The following ARHGEF10L variants were observed in gnomAD, a reference collection of about 807,000 sequenced individuals.
The protein encoded by ARHGEF10L is Rho guanine nucleotide exchange factor 10 like.
ARHGEF10L carries 69 observed loss-of-function variants against 141.2 expected under a neutral mutation model. That is an observed-to-expected ratio of 0.49 (90% CI 0.40 to 0.60). The LOEUF (loss-of-function observed/expected upper bound fraction) is 0.60. Ranked by LOEUF, ARHGEF10L falls within the 20% of genes least tolerant of loss-of-function variation. The pLI, the probability that ARHGEF10L is intolerant of heterozygous loss-of-function variation, is 0.00. For missense variants in ARHGEF10L, 1,482 were observed against 1,734.3 expected, an observed-to-expected ratio of 0.85 and a Z score of 2.58; for synonymous variants, 711 against 718.5, an observed-to-expected ratio of 0.99 and a Z score of 0.17.
intron 1 of ARHGEF10L, among the ~76,000 whole-genome samples, chr1:17,556,590 G>A (rs1406264819): frequency 1.3e-5 from 2 of 152,174 alleles, no homozygotes; most frequent in African/African-American, 4.8e-5. Context: ...CTCAGAAGGC[G>A]CAGTGTGTGC....
At chr1:17,683,063 T>C (rs2102440045) in intron 26 of ARHGEF10L, among the ~76,000 whole-genome samples, 2 of 152,136 alleles carry the variant, frequency 1.3e-5, no homozygotes, top group South Asian at 2.1e-4. Flanking sequence ...CAGTGAGCAG[T>C]GAGGGCTTCC....
chr1:17,642,326 A>G (rs2061370825), intron 21 of ARHGEF10L, among the ~76,000 whole-genome samples: 1 of 152,220 alleles, frequency 6.6e-6, no homozygotes, highest in Admixed American at 6.5e-5. Flanking sequence ...GCCCTGAGGT[A>G]GGGACAGAAG....
intron 9 of ARHGEF10L, among the ~76,000 whole-genome samples, chr1:17,617,581 G>T (rs1035382126): frequency 2.6e-5 from 4 of 152,242 alleles, no homozygotes; most frequent in Non-Finnish European, 5.9e-5. Context: ...TGGGATGCCA[G>T]TTCTCTTTGG....
intron 28 of ARHGEF10L, 94 bp from the exon 29 acceptor site, chr1:17,696,754 C>A (rs2065533614): frequency 2.0e-4 from 228 of 1,135,696 alleles, no homozygotes; most frequent in Non-Finnish European, 2.4e-4. Flanking sequence ...CCCCCAAATA[C>A]CCACCCAGAA....
Position 17,638,692 on chromosome 1 carries a change from G to C in ARHGEF10L, c.2171+3G>C. The C allele has an allele frequency of 6.2e-7, 1 of 1,613,880 alleles. No individual in the cohort carries two copies. Among genetic ancestry groups the C allele is most frequent in the East Asian group, 2.2e-5 (1 of 44,870 alleles). On this transcript the variant is annotated splice_donor_region_variant and intron_variant, in intron 20 of 28. Transcript: ENST00000361221. ...CTGCTTCCTGGGAAACCCGACAAGT[G>C]AGAGGAGGGGGTCTTGGAGGGAGGG...
At position 17,687,833 on chromosome 1, in the gene ARHGEF10L, C is replaced by T. The variant is rs1003339036; in HGVS notation, c.3184+86C>T. The T allele has an allele frequency of 5.8e-6, 8 of 1,384,956 alleles. No homozygotes were observed. The African/African-American group carries it at 1.0e-4, about 18-fold the overall frequency. 85.8% of individuals were successfully genotyped at this position (1,384,956 alleles called of 1,614,324 possible). A position where few individuals can be genotyped will look rare whatever the true frequency, so the allele number is the denominator to read the frequency against. On this transcript the variant is annotated intron_variant, in intron 27 of 28. Coordinates refer to ENST00000361221, the MANE Select transcript of ARHGEF10L (RefSeq NM_018125.4). ...GTGGTGTGACCTGGGCAGCCCATCCCATTTTCCCTCATCAGCCCTGAAAAC... is the reference window on the plus strand; with the variant it reads ...GTGGTGTGACCTGGGCAGCCCATCCTATTTTCCCTCATCAGCCCTGAAAAC...
At chr1:17,628,992 G>A (rs188263689) in intron 15 of ARHGEF10L, among the ~76,000 whole-genome samples, 17 of 152,336 alleles carry the variant, frequency 1.1e-4, no homozygotes, top group African/African-American at 3.6e-4. Flanking sequence ...TGCAGGTTGT[G>A]TTGTGGCCCA....
chr1:17,573,920 C>T lies in ARHGEF10L; in HGVS notation c.-43-6633C>T, dbSNP rs1461813944. ...CCATTGACCAAACTTGGCCCCTGCC[C>T]CAGTGAGGCAGGCCCCCTTCTCAGA... On this transcript the variant is annotated intron_variant, in intron 1 of 28. Coordinates refer to ENST00000361221, the MANE Select transcript of ARHGEF10L (RefSeq NM_018125.4). This position sits in a 1 kb window ranked among gnomAD's most constrained non-coding sequence, Gnocchi z 4.8. Among the ~76,000 whole-genome samples the T allele has an allele frequency of 6.6e-6, 1 of 152,172 alleles. No individual in the cohort carries two copies. The highest frequency in any genetic ancestry group is 1.5e-5 in the Non-Finnish European group (1 of 68,008).
In ARHGEF10L at chr1:17,558,644, C is replaced by A. The variant is rs925489693; in HGVS notation, c.-44+18694C>A. Among the ~76,000 whole-genome samples the A allele has an allele frequency of 1.3e-5, 2 of 152,210 alleles. No homozygotes were observed. The highest frequency in any genetic ancestry group is 1.5e-5 in the Non-Finnish European group (1 of 68,042). ...GGAAGGCAGGTCATCGTGGCTGGGG[C>A]AGGTGGGGACCTTTTCCTCTTTTGA... On this transcript the variant is annotated intron_variant, in intron 1 of 28. Coordinates refer to ENST00000361221, the MANE Select transcript of ARHGEF10L (RefSeq NM_018125.4). This position sits in a 1 kb window ranked among gnomAD's most constrained non-coding sequence, Gnocchi z 4.2.
intron 21 of ARHGEF10L, among the ~76,000 whole-genome samples, chr1:17,645,671 G>A (rs756722769): frequency 9.2e-5 from 14 of 152,206 alleles, no homozygotes; most frequent in African/African-American, 3.4e-4. Context: ...GCAGCATGGC[G>A]AGCGCTGGCA....
chr1:17,611,115 G>A (rs2059528010), intron 7 of ARHGEF10L, among the ~76,000 whole-genome samples: 2 of 152,190 alleles, frequency 1.3e-5, no homozygotes, highest in Admixed American at 1.3e-4. Flanking sequence ...TCTACCCCCT[G>A]CTCTGATCTG....
At chr1:17,586,580 T>C (rs1325741150) in intron 2 of ARHGEF10L, among the ~76,000 whole-genome samples, 1 of 152,176 alleles carries the variant, frequency 6.6e-6, no homozygotes, top group African/African-American at 2.4e-5. Flanking sequence ...TGGCTTCTCG[T>C]GCTCTCTAGG....
At chr1:17,693,821 C>T (rs2065284940) in intron 27 of ARHGEF10L, among the ~76,000 whole-genome samples, 1 of 152,216 alleles carries the variant, frequency 6.6e-6, no homozygotes, top group South Asian at 2.1e-4. Flanking sequence ...TGGAATGCAG[C>T]CTAAGCCTCT....
chr1:17,573,597 G>C lies in ARHGEF10L; in HGVS notation c.-43-6956G>C, dbSNP rs1293600398. 6.6e-6 allele frequency among the ~76,000 whole-genome samples: 1 copy of C among 152,118 alleles called. No individual in the cohort carries two copies. The highest frequency in any genetic ancestry group is 2.4e-5 in the African/African-American group (1 of 41,424). ...GGGAGGGAAGGAGGAAGAGCAGGAGGAGGAGGTAGAGGAGGGGGGCTGGAG... is the reference window on the plus strand; with the variant it reads ...GGGAGGGAAGGAGGAAGAGCAGGAGCAGGAGGTAGAGGAGGGGGGCTGGAG... On this transcript the variant is annotated intron_variant, in intron 1 of 28. Transcript: ENST00000361221. The surrounding 1 kb of genome is among the most constrained non-coding windows in gnomAD (Gnocchi z 4.8).
the ARHGEF10L span, among the ~76,000 whole-genome samples, chr1:17,515,990 G>A: frequency 2.0e-5 from 3 of 152,222 alleles, no homozygotes; most frequent in Non-Finnish European, 4.4e-5. Flanking sequence ...GCCCAGCATG[G>A]TACTGCTTTG....
At chr1:17,552,558 C>T (rs1001386081) in intron 1 of ARHGEF10L, among the ~76,000 whole-genome samples, 1 of 135,632 alleles carries the variant, frequency 7.4e-6, no homozygotes, top group Non-Finnish European at 1.5e-5. Context: ...GCTACCACAG[C>T]TGGCTAATTT....
At chr1:17,530,133 A>G in the ARHGEF10L span, among the ~76,000 whole-genome samples, 15 of 152,226 alleles carry the variant, frequency 9.9e-5, no homozygotes, top group African/African-American at 3.6e-4. Flanking sequence ...GCACCTGGCC[A>G]CACAGCAGTC....
chr1:17,610,158 A>G (rs964432845), intron 7 of ARHGEF10L, among the ~76,000 whole-genome samples: 8 of 152,220 alleles, frequency 5.3e-5, no homozygotes, highest in Non-Finnish European at 1.2e-4. Context: ...GGGCATCAGA[A>G]CCACATGGGT....
At chr1:17,686,544 T>C (rs1569708987) in intron 26 of ARHGEF10L, among the ~76,000 whole-genome samples, 1 of 152,062 alleles carries the variant, frequency 6.6e-6, no homozygotes, top group Non-Finnish European at 1.5e-5. Flanking sequence ...CCTCCTGGAC[T>C]GAGGACGCCA....
Sources: gnomAD v4.1 joint callset for allele counts (sites outside exome capture counted in the v4.1 genomes callset) on GRCh38, gnomAD v4.1.1 for gene constraint, Gnocchi (gnomAD v3.1) non-coding constraint, MANE v1.5 for transcripts, NCBI Gene and HGNC (gene_info 2026-07-23, HGNC 2026-07-21) for gene names.